The following DLG2 variants were observed in gnomAD, a reference collection of about 807,000 sequenced individuals.
DLG2 encodes disks large homolog 2.
A neutral mutation model predicts 132.5 loss-of-function variants in DLG2; 45 were observed. The ratio of observed to expected loss-of-function variants is 0.34; its 90% CI spans 0.27 to 0.44. DLG2 has a LOEUF of 0.44. Ranked by LOEUF, DLG2 falls within the 20% of genes least tolerant of loss-of-function variation. The probability of loss-of-function intolerance (pLI) is 1.00; values close to 1 mark genes in which losing one functional copy is unlikely to be tolerated. For missense variants in DLG2, 1,045 were observed against 1,196.9 expected (o/e 0.87, Z 1.87); for synonymous variants, 424 against 419.6 (o/e 1.01, Z -0.13).
At chr11:83,681,452 A>T (rs2078788779) in intron 18 of DLG2, among the ~76,000 whole-genome samples, 1 of 152,186 alleles carries the variant, frequency 6.6e-6, no homozygotes, top group South Asian at 2.1e-4. Flanking sequence ...AAGTCATGCA[A>T]ATACAACAGT....
chr11:84,442,937 A>G (rs1436952355), intron 7 of DLG2, among the ~76,000 whole-genome samples: 1 of 152,182 alleles, frequency 6.6e-6, no homozygotes, highest in Non-Finnish European at 1.5e-5. Flanking sequence ...CAATAGGAAA[A>G]AATTGTCACT....
At chr11:84,785,475 G>A (rs934067605) in intron 6 of DLG2, among the ~76,000 whole-genome samples, 1 of 151,910 alleles carries the variant, frequency 6.6e-6, no homozygotes, top group Non-Finnish European at 1.5e-5. Flanking sequence ...TGTAACCATG[G>A]ACAAATATTT....
chr11:85,209,442 A>T (rs1423035128), intron 4 of DLG2, among the ~76,000 whole-genome samples: 1 of 35,534 alleles, frequency 2.8e-5, no homozygotes, highest in Non-Finnish European at 7.9e-5. Context: ...CAAAGAAATC[A>T]GTCTTTTTTT....
chr11:85,498,386 T>A (rs1039500628), intron 3 of DLG2, among the ~76,000 whole-genome samples: 1 of 152,214 alleles, frequency 6.6e-6, no homozygotes, highest in Non-Finnish European at 1.5e-5. Flanking sequence ...CTAACTATCC[T>A]AAATATATAT....
At chr11:85,524,281 T>C (rs1011437369) in intron 3 of DLG2, among the ~76,000 whole-genome samples, 8 of 152,182 alleles carry the variant, frequency 5.3e-5, no homozygotes, top group African/African-American at 1.9e-4. Context: ...GGATAATTGC[T>C]TGAGGTGATG....
chr11:85,091,036 G>C (rs937314797), intron 6 of DLG2, among the ~76,000 whole-genome samples: 16 of 152,226 alleles, frequency 1.1e-4, no homozygotes, highest in African/African-American at 3.1e-4. Flanking sequence ...AACTAATAGA[G>C]CAAGAACTCA....
intron 3 of DLG2, among the ~76,000 whole-genome samples, chr11:85,535,521 C>T (rs2075521595): frequency 6.6e-6 from 1 of 152,104 alleles, no homozygotes; most frequent in African/African-American, 2.4e-5. Context: ...GTAGAACTCT[C>T]ATGTATTGCT....
intron 7 of DLG2, among the ~76,000 whole-genome samples, chr11:84,364,781 G>T (rs931411208): frequency 6.6e-6 from 1 of 152,120 alleles, no homozygotes; most frequent in African/African-American, 2.4e-5. Flanking sequence ...TGTGGTTTTT[G>T]TCTTTGGTTC....
Position 85,344,968 on chromosome 11 carries a change from C to CA in DLG2, c.41-59604dup, listed in dbSNP as rs902549812. Among the ~76,000 whole-genome samples, 612 of 143,658 alleles carry CA rather than the reference C, an allele frequency of 4.3e-3. 3 individuals carry two copies. The highest frequency in any genetic ancestry group is 6.7e-3 in the African/African-American group (262 of 38,838). 94.2% of individuals were successfully genotyped at this position (143,658 alleles called of 152,430 possible). On this transcript the variant is annotated intron_variant, in intron 3 of 27. Transcript: ENST00000376104. ...TTCAAATCAAATACATAATTTTAAA[C>CA]AAAAAAAAAACAGCAAAATACTGTA...
intron 7 of DLG2, among the ~76,000 whole-genome samples, chr11:84,528,720 A>G (rs114150164): frequency 0.014 from 2,140 of 152,340 alleles, 62 homozygotes; most frequent in African/African-American, 0.05. Context: ...AGTTGAAAAT[A>G]TGACAGTTCT....
intron 3 of DLG2, among the ~76,000 whole-genome samples, chr11:85,319,362 C>T (rs1266411362): frequency 1.3e-5 from 2 of 151,718 alleles, no homozygotes; most frequent in Non-Finnish European, 3.0e-5. Context: ...GAGAGTAGTT[C>T]CAGTACATCA....
intron 4 of DLG2, among the ~76,000 whole-genome samples, chr11:85,204,267 A>G (rs1481595468): frequency 2.0e-5 from 3 of 152,148 alleles, no homozygotes. Context: ...TGCAGAAGAC[A>G]TGATCTTCTT....
chr11:84,599,311 G>C (rs2099570509), intron 6 of DLG2, among the ~76,000 whole-genome samples: 1 of 152,106 alleles, frequency 6.6e-6, no homozygotes, highest in South Asian at 2.1e-4. Flanking sequence ...TTTTACGAGG[G>C]ACTATGAAAA....
At chr11:84,755,683 G>A (rs1291747454) in intron 6 of DLG2, among the ~76,000 whole-genome samples, 7 of 152,272 alleles carry the variant, frequency 4.6e-5, no homozygotes, top group African/African-American at 1.7e-4. Flanking sequence ...TCGGCCTCCC[G>A]AAGTGCTGGG....
intron 6 of DLG2, among the ~76,000 whole-genome samples, chr11:84,544,052 G>C (rs2099384652): frequency 6.6e-6 from 1 of 152,090 alleles, no homozygotes; most frequent in African/African-American, 2.4e-5. Context: ...CCTTTTTAAG[G>C]AACTGATGAT....
At chr11:83,695,963 C>T (rs2081858117) in intron 18 of DLG2, among the ~76,000 whole-genome samples, 1 of 152,054 alleles carries the variant, frequency 6.6e-6, no homozygotes, top group Non-Finnish European at 1.5e-5. Context: ...GAGAGGCAGG[C>T]TTGGGAGTCA....
At chr11:84,577,878 C>A (rs939511305) in intron 6 of DLG2, among the ~76,000 whole-genome samples, 7 of 152,106 alleles carry the variant, frequency 4.6e-5, no homozygotes, top group Non-Finnish European at 1.0e-4. Flanking sequence ...GGCCCAGAGG[C>A]CCAGGAGGAA....
chr11:85,430,703 T>C (rs993330951), intron 3 of DLG2, among the ~76,000 whole-genome samples: 2 of 152,160 alleles, frequency 1.3e-5, no homozygotes, highest in African/African-American at 2.4e-5. Flanking sequence ...ATGTTTGTAA[T>C]TGAATGCTGT....
intron 6 of DLG2, among the ~76,000 whole-genome samples, chr11:84,640,784 G>GA (rs2099659093): frequency 1.3e-5 from 2 of 151,774 alleles, no homozygotes; most frequent in Non-Finnish European, 2.9e-5. Context: ...TACTAAAAAT[G>GA]CAAAAATTAG....
Sources: allele counts gnomAD v4.1 joint callset (sites outside exome capture counted in the v4.1 genomes callset), GRCh38; gene constraint gnomAD v4.1.1; transcripts MANE v1.5; gene names NCBI Gene and HGNC (gene_info 2026-07-23, HGNC 2026-07-21).